SYNE3: variants seen among roughly 807,000 people sequenced by gnomAD.
SYNE3 encodes spectrin repeat containing nuclear envelope family member 3.
Under a neutral mutation model 111.2 loss-of-function variants are expected in SYNE3, and 100 were observed. The ratio of observed to expected loss-of-function variants is 0.90; its 90% CI spans 0.77 to 1.06. The LOEUF (loss-of-function observed/expected upper bound fraction) is 1.06, where lower values mean the gene tolerates loss of function less well. SYNE3 is among the 50% of genes least tolerant of loss of function. The pLI is 0.00. For synonymous variants in SYNE3, 547 were observed against 533.9 expected, an observed-to-expected ratio of 1.02 and a Z score of -0.34; for missense variants, 1,160 against 1,240.3, an observed-to-expected ratio of 0.94 and a Z score of 0.97.
At position 95,455,362 on chromosome 14, in the gene SYNE3, G is replaced by A. The variant is rs755617195; in HGVS notation, c.1137+15C>T. On this transcript the variant is annotated intron_variant, in intron 6 of 17. Transcript: ENST00000682763. ...ACAGCACCCTGGGCTCCATGACTCG[G>A]CCAAGCACGCTTACCGAGTAGCGTC... 1.3e-6 allele frequency: 2 copies of A among 1,516,898 alleles called. No homozygotes were observed. The allele number at this position is 1,516,898 out of a possible 1,614,324, so 94.0% of individuals were successfully genotyped here. A position where few individuals can be genotyped will look rare whatever the true frequency, so the allele number is the denominator to read the frequency against.
chr14:95,459,599 G>A (rs1416260617), intron 4 of SYNE3, among the ~76,000 whole-genome samples: 1 of 152,178 alleles, frequency 6.6e-6, no homozygotes. Flanking sequence ...ATTCTCAGCT[G>A]GGAAGAGTGA....
intron 8 of SYNE3, among the ~76,000 whole-genome samples, chr14:95,446,476 C>G (rs1886727795): frequency 6.6e-6 from 1 of 152,172 alleles, no homozygotes; most frequent in South Asian, 2.1e-4. Flanking sequence ...GTTGGCTCCC[C>G]ACCACTGGCC....
chr14:95,467,854 C>T lies in SYNE3; in HGVS notation c.258G>A (p.Arg86=), dbSNP rs771296637. 1.2e-6 allele frequency: 2 copies of T among 1,614,208 alleles called. No homozygotes were observed. Among genetic ancestry groups the T allele is most frequent in the Non-Finnish European group, 1.7e-6 (2 of 1,180,032 alleles). The part of the protein sequence containing the change: ...PGDQKPGILA[R]LKDIKAQWEE... ...CCCATTGGGCCTTGATGTCCTTCAG[C>T]CGGGCCAGGATCCCGGGCTTCTGGT... Residue 86 remains arginine, a synonymous_variant, in exon 3 of 18, where the codon CGG becomes CGA. Transcript: ENST00000682763.
chr14:95,461,270 C>G (rs1341360783), intron 4 of SYNE3, among the ~76,000 whole-genome samples: 1 of 152,240 alleles, frequency 6.6e-6, no homozygotes, highest in East Asian at 1.9e-4. Context: ...AGATGCCAGA[C>G]AGACGCGCCT....
chr14:95,417,978 C>G lies in SYNE3; in HGVS notation c.2776G>C (p.Val926Leu). Residue 926 changes from valine to leucine, a missense_variant, in exon 18 of 18, where the codon GTG becomes CTG. Physicochemically the swap from Val to Leu is conservative, Grantham distance 32 (BLOSUM62 1). Transcript: ENST00000682763. ...AGAAGCAGCTGCAGTGGGAGCGCCA[C>G]ACAGCACGCCCTCCGGAAGAGGGAG... ...LGSLFRRACC[V>L]ALPLQLLLLL... 6.2e-7 allele frequency: 1 copy of G among 1,612,850 alleles called. No homozygotes were observed. The highest frequency in any genetic ancestry group is 1.7e-5 in the Admixed American group (1 of 60,026).
chr14:95,516,249 G>C (rs1327405859), intron 1 of SYNE3: 2 of 152,230 alleles, frequency 1.3e-5, no homozygotes, highest in Non-Finnish European at 2.9e-5. Context: ...GAGGCAGAGG[G>C]AAGCCCCGAG....
chr14:95,429,921 G>C (rs1885649881), intron 17 of SYNE3: 1 of 974,704 alleles, frequency 1.0e-6, no homozygotes, highest in East Asian at 1.2e-4. Flanking sequence ...CAGTCTACAG[G>C]ACAGGTCACT....
chr14:95,437,306 T>G (rs796214604), intron 14 of SYNE3, among the ~76,000 whole-genome samples: 1 of 152,232 alleles, frequency 6.6e-6, no homozygotes. Context: ...CTGTCTATGA[T>G]GCAAGCCCAT....
rs1256500923 is a variant in SYNE3 at position 95,413,129 on chromosome 14, A to T, written c.*4697T>A. The stretch of plus-strand genomic sequence containing the variant: ...GGGAACCATGAAGGCACAGCCTGCC[A>T]TTCCCATTCTCTTTTTCTCTCTCTC... On this transcript the variant is annotated 3_prime_UTR_variant, in exon 18 of 18. Coordinates refer to ENST00000682763, the MANE Select transcript of SYNE3 (RefSeq NM_152592.6). The T allele has an allele frequency of 6.6e-6, 1 of 151,872 alleles. No individual in the cohort carries two copies. The highest frequency in any genetic ancestry group is 1.9e-4 in the East Asian group (1 of 5,156). 9.4% of individuals were successfully genotyped at this position (151,872 alleles called of 1,614,324 possible).
intron 1 of SYNE3, among the ~76,000 whole-genome samples, chr14:95,479,544 A>G (rs1199655671): frequency 6.6e-6 from 1 of 152,160 alleles, no homozygotes; most frequent in Admixed American, 6.6e-5. Context: ...GAACTGGGTT[A>G]CCAGCTGATA....
At chr14:95,443,336 T>C (rs780689442) in intron 10 of SYNE3, 47 bp from the exon 11 acceptor site, 1 of 1,610,012 alleles carries the variant, frequency 6.2e-7, no homozygotes, top group Non-Finnish European at 8.5e-7. Context: ...CACCTCTCCC[T>C]CCCTTGGGGT....
At position 95,499,856 on chromosome 14, in the gene SYNE3, C is replaced by CTTTTTTTTTTTTTTTTTTTTTTTTT. The variant is rs10547044; in HGVS notation, c.-15+16739_-15+16740insAAAAAAAAAAAAAAAAAAAAAAAAA. On this transcript the variant is annotated intron_variant, in intron 1 of 17. Coordinates refer to ENST00000682763, the MANE Select transcript of SYNE3 (RefSeq NM_152592.6). ...AATCCCCTGTATCACTAACTCTTGT[C>CTTTTTTTTTTTTTTTTTTTTTTTTT]TTTTTTTTTTTTTTTTTTTTGAGAT... Among the ~76,000 whole-genome samples, 16 of 90,068 alleles carry CTTTTTTTTTTTTTTTTTTTTTTTTT rather than the reference C, an allele frequency of 1.8e-4. 2 individuals are homozygous for CTTTTTTTTTTTTTTTTTTTTTTTTT. The highest frequency in any genetic ancestry group is 7.0e-4 in the African/African-American group (15 of 21,278). 59.1% of individuals were successfully genotyped at this position (90,068 alleles called of 152,430 possible).
At position 95,414,388 on chromosome 14, in the gene SYNE3, C is replaced by T. The variant is rs1903510446; in HGVS notation, c.*3438G>A. 1 of 152,220 alleles carries T rather than the reference C, an allele frequency of 6.6e-6. No individual in the cohort carries two copies. Among genetic ancestry groups the T allele is most frequent in the Admixed American group, 6.5e-5 (1 of 15,282 alleles). The allele number at this position is 152,220 out of a possible 1,614,324, so 9.4% of individuals were successfully genotyped here. ...GTGCCGCCCAAGGGGCTCAAGCACC[C>T]ACGAGCACCAAACGAGCACATTCTT... On this transcript the variant is annotated 3_prime_UTR_variant, in exon 18 of 18. Coordinates refer to ENST00000682763, the MANE Select transcript of SYNE3 (RefSeq NM_152592.6).
chr14:95,422,154 C>T (rs12882569), intron 17 of SYNE3, among the ~76,000 whole-genome samples: 112,223 of 151,998 alleles, frequency 0.74, 41,949 homozygotes, highest in Non-Finnish European at 0.82. Context: ...ATCAGCTTCT[C>T]CCTCAATACA....
chr14:95,464,277 C>T (rs912079018), intron 4 of SYNE3, among the ~76,000 whole-genome samples: 15 of 152,140 alleles, frequency 9.9e-5, no homozygotes, highest in Admixed American at 6.5e-4. Context: ...TAAAGATGCC[C>T]GGGAAACCAC....
At chr14:95,441,000 A>C (rs963926434) in intron 11 of SYNE3, among the ~76,000 whole-genome samples, 3 of 152,210 alleles carry the variant, frequency 2.0e-5, no homozygotes, top group East Asian at 3.8e-4. Flanking sequence ...AAAGGTGGAC[A>C]CTGTCCCCAG....
At chr14:95,489,073 G>C (rs988253939) in intron 1 of SYNE3, among the ~76,000 whole-genome samples, 7 of 152,210 alleles carry the variant, frequency 4.6e-5, no homozygotes, top group Non-Finnish European at 8.8e-5. Flanking sequence ...GAGTGACTGA[G>C]TGACAAAGAC....
chr14:95,449,564 A>C, intron 8 of SYNE3: 1 of 985,412 alleles, frequency 1.0e-6, no homozygotes, highest in Non-Finnish European at 1.2e-6. Context: ...GACTGCCTGA[A>C]TGTCGCTGTT....
intron 1 of SYNE3, chr14:95,516,069 T>C (rs954287592): frequency 6.6e-6 from 1 of 152,326 alleles, no homozygotes; most frequent in Admixed American, 6.5e-5. Context: ...CTTGCCAAGT[T>C]TGCATAGCCA....
Sources: allele counts gnomAD v4.1 joint callset (sites outside exome capture counted in the v4.1 genomes callset), GRCh38; gene constraint gnomAD v4.1.1; transcripts MANE v1.5; gene names NCBI Gene and HGNC (gene_info 2026-07-23, HGNC 2026-07-21).